Variants in CWC27 observed in about 807,000 individuals in gnomAD.
CWC27 encodes the protein CWC27 spliceosome associated cyclophilin.
A neutral mutation model predicts 63.6 loss-of-function variants in CWC27; 47 were observed. That is an observed-to-expected ratio of 0.74 (90% CI 0.58 to 0.94). The LOEUF (loss-of-function observed/expected upper bound fraction) is 0.94. Among genes scored for constraint, CWC27 ranks in the 40% least tolerant of loss-of-function variants. The pLI is 0.00. For synonymous variants in CWC27, 175 were observed against 179.8 expected (o/e 0.97, Z 0.22); for missense variants, 495 against 554.3 (o/e 0.89, Z 1.07).
chr5:64,946,001 A>G (rs1341567914), intron 11 of CWC27, among the ~76,000 whole-genome samples: 1 of 152,172 alleles, frequency 6.6e-6, no homozygotes, highest in African/African-American at 2.4e-5. Context: ...TTCTTTTAAT[A>G]GAGCAGAATA....
intron 11 of CWC27, among the ~76,000 whole-genome samples, chr5:64,887,676 T>G (rs1031139247): frequency 2.6e-5 from 4 of 152,008 alleles, no homozygotes; most frequent in African/African-American, 7.3e-5. Context: ...TTACTATGTT[T>G]CCATAATGCT....
intron 11 of CWC27, among the ~76,000 whole-genome samples, chr5:64,935,827 T>C (rs1453962088): frequency 6.6e-6 from 1 of 152,162 alleles, no homozygotes; most frequent in East Asian, 1.9e-4. Context: ...CCCTTGTGAG[T>C]TGTATTCCTA....
intron 7 of CWC27, among the ~76,000 whole-genome samples, chr5:64,793,701 C>A (rs1156473305): frequency 6.6e-6 from 1 of 152,120 alleles, no homozygotes; most frequent in Non-Finnish European, 1.5e-5. Flanking sequence ...TCAGTGGTTG[C>A]ATGAAATTAA....
Position 64,781,908 on chromosome 5 carries a change from A to T in CWC27, c.140-13A>T, listed in dbSNP as rs543303233. On this transcript the variant is annotated splice_polypyrimidine_tract_variant and intron_variant, in intron 2 of 13. Transcript: ENST00000381070. Reference sequence around the variant, plus strand: ...TTTTAGACATTGATAAATTATTTTTATTTTTTTTTCAGCTTATTATGACAA... The same window carrying T: ...TTTTAGACATTGATAAATTATTTTTTTTTTTTTTTCAGCTTATTATGACAA... 24 of 1,346,102 alleles carry T rather than the reference A, an allele frequency of 1.8e-5. No individual in the cohort carries two copies. Among genetic ancestry groups the T allele is most frequent in the East Asian group, 1.4e-4 (6 of 42,104 alleles). 83.4% of individuals were successfully genotyped at this position (1,346,102 alleles called of 1,614,324 possible).
intron 10 of CWC27, among the ~76,000 whole-genome samples, chr5:64,882,031 T>C (rs1349099523): frequency 1.3e-5 from 2 of 152,228 alleles, no homozygotes; most frequent in African/African-American, 2.4e-5. Flanking sequence ...GTTCCATTTT[T>C]ATGTCATGCC....
intron 11 of CWC27, among the ~76,000 whole-genome samples, chr5:64,960,377 A>C (rs1355244631): frequency 6.6e-6 from 1 of 152,168 alleles, no homozygotes; most frequent in East Asian, 1.9e-4. Flanking sequence ...GAAGTTCATA[A>C]CATATTTTCC....
chr5:64,943,722 A>G (rs1748536612), intron 11 of CWC27, among the ~76,000 whole-genome samples: 1 of 152,186 alleles, frequency 6.6e-6, no homozygotes, highest in East Asian at 1.9e-4. Flanking sequence ...TGGTCATAAG[A>G]TGTCTGCACC....
chr5:64,820,187 G>T (rs1311961443), intron 10 of CWC27, among the ~76,000 whole-genome samples: 1 of 152,018 alleles, frequency 6.6e-6, no homozygotes, highest in Non-Finnish European at 1.5e-5. Flanking sequence ...CACCTAAACC[G>T]GGTATAAACA....
rs560706833 is a variant in CWC27, at chr5:64,864,352, A to T, written c.939-21091A>T. Among the ~76,000 whole-genome samples the T allele has an allele frequency of 1.5e-4, 23 of 152,274 alleles. No individual in the cohort carries two copies. In the South Asian group the frequency reaches 4.6e-3, roughly 30 times the overall value. On this transcript the variant is annotated intron_variant, in intron 10 of 13. Transcript: ENST00000381070. ...CTCCTTGGCTCTGCCAAGGTCATCT[A>T]TGCATGCCCTGGCTGGCAAGTGAAT...
intron 11 of CWC27, among the ~76,000 whole-genome samples, chr5:64,958,961 G>T (rs1011849519): frequency 9.9e-5 from 15 of 152,032 alleles, no homozygotes; most frequent in Non-Finnish European, 2.2e-4. Flanking sequence ...TAATTTTCAT[G>T]AACCTTTAGG....
At chr5:64,982,346 CAG>C (rs1471338195) in intron 13 of CWC27, among the ~76,000 whole-genome samples, 1 of 151,932 alleles carries the variant, frequency 6.6e-6, no homozygotes, top group African/African-American at 2.4e-5. Context: ...TTTTTTGAGA[CAG>C]AGTCTCACTC....
chr5:64,846,716 G>A lies in CWC27; in HGVS notation c.939-38727G>A, dbSNP rs190609868. Among the ~76,000 whole-genome samples, 8 of 152,166 alleles carry A rather than the reference G, an allele frequency of 5.3e-5. No individual in the cohort carries two copies. The South Asian group carries it at 1.0e-3, about 20-fold the overall frequency. ...AAAACTAAGAAAATGGCAATAGGCCGGGCACAGTGGCTCATGCTTGTAATC... is the reference window on the plus strand; with the variant it reads ...AAAACTAAGAAAATGGCAATAGGCCAGGCACAGTGGCTCATGCTTGTAATC... On this transcript the variant is annotated intron_variant, in intron 10 of 13. Transcript: ENST00000381070.
chr5:64,901,457 CAA>C (rs539302853), intron 11 of CWC27, among the ~76,000 whole-genome samples: 16 of 72,748 alleles, frequency 2.2e-4, no homozygotes, highest in Admixed American at 3.2e-4. Flanking sequence ...GACTCCATCT[CAA>C]AAAAAAAAAA....
chr5:64,931,084 A>G (rs1254540627), intron 11 of CWC27, among the ~76,000 whole-genome samples: 2 of 152,140 alleles, frequency 1.3e-5, no homozygotes, highest in African/African-American at 4.8e-5. Flanking sequence ...ATGGTTGGGG[A>G]ACTTGACACA....
intron 10 of CWC27, among the ~76,000 whole-genome samples, chr5:64,819,194 A>C (rs1418591008): frequency 6.6e-6 from 1 of 152,180 alleles, no homozygotes. Context: ...TTGTTAGCCA[A>C]ACTAGCTTTA....
chr5:64,919,477 A>G (rs1331442185), intron 11 of CWC27, among the ~76,000 whole-genome samples: 1 of 152,170 alleles, frequency 6.6e-6, no homozygotes, highest in Admixed American at 6.5e-5. Context: ...ATAGTACCCT[A>G]TAGGTAGCCT....
intron 13 of CWC27, among the ~76,000 whole-genome samples, chr5:64,996,919 G>A (rs970101963): frequency 6.6e-6 from 1 of 152,164 alleles, no homozygotes; most frequent in East Asian, 1.9e-4. Context: ...CCTATTTTCA[G>A]ATAAGGCAAT....
At chr5:65,011,043 A>G (rs1561188500) in intron 13 of CWC27, among the ~76,000 whole-genome samples, 1 of 152,198 alleles carries the variant, frequency 6.6e-6, no homozygotes, top group Non-Finnish European at 1.5e-5. Context: ...ACAAAGGCCA[A>G]TTGGTACAAA....
intron 10 of CWC27, among the ~76,000 whole-genome samples, chr5:64,831,320 C>T (rs1053058006): frequency 1.3e-5 from 2 of 151,718 alleles, no homozygotes; most frequent in East Asian, 3.9e-4. Context: ...TCCCTACTTT[C>T]CTCCCCTCCC....
Sources: allele counts gnomAD v4.1 joint callset (sites outside exome capture counted in the v4.1 genomes callset), GRCh38; gene constraint gnomAD v4.1.1; transcripts MANE v1.5; gene names NCBI Gene and HGNC (gene_info 2026-07-23, HGNC 2026-07-21).